The following TNNI3K variants were observed in gnomAD, a reference collection of about 807,000 sequenced individuals.
TNNI3K encodes the protein TNNI3 interacting kinase, also known as serine/threonine-protein kinase TNNI3K.
In TNNI3K, 140 loss-of-function variants were observed where a neutral mutation model predicts 114.5. The observed-to-expected ratio is 1.22, with a 90% confidence interval of 1.07 to 1.41. The LOEUF is 1.41. TNNI3K is among the 40% of genes most tolerant of loss of function. TNNI3K has a pLI of 0.00. For missense variants in TNNI3K, 1,125 were observed against 1,007.6 expected (o/e 1.12, Z -1.58); for synonymous variants, 347 against 347.5 (o/e 1.00, Z 0.02).
At chr1:74,459,867 C>T (rs1164910011) in intron 20 of TNNI3K, among the ~76,000 whole-genome samples, 1 of 152,166 alleles carries the variant, frequency 6.6e-6, no homozygotes, top group Admixed American at 6.5e-5. Flanking sequence ...CTGCAGCTGA[C>T]TCACAATACT....
At chr1:74,521,703 A>G (rs1448224740) in intron 23 of TNNI3K, among the ~76,000 whole-genome samples, 1 of 152,190 alleles carries the variant, frequency 6.6e-6, no homozygotes, top group Non-Finnish European at 1.5e-5. Context: ...GTTGGTGAAC[A>G]AGCCATTTCA....
intron 6 of TNNI3K, among the ~76,000 whole-genome samples, chr1:74,335,150 C>T (rs1660401418): frequency 6.6e-6 from 1 of 152,102 alleles, no homozygotes; most frequent in African/African-American, 2.4e-5. Flanking sequence ...AAACAAATTC[C>T]TAATCTAATC....
chr1:74,543,208 G>A (rs1407869983), intron 24 of TNNI3K, among the ~76,000 whole-genome samples: 5 of 151,062 alleles, frequency 3.3e-5, no homozygotes. Context: ...CTGAGTAGCT[G>A]AGACTACAGG....
intron 17 of TNNI3K, among the ~76,000 whole-genome samples, chr1:74,411,600 A>G (rs1485027480): frequency 1.3e-5 from 2 of 151,840 alleles, no homozygotes; most frequent in African/African-American, 4.8e-5. Context: ...GCATTTATTC[A>G]CTCACATTTT....
intron 6 of TNNI3K, among the ~76,000 whole-genome samples, chr1:74,332,902 T>G (rs982305165): frequency 1.5e-4 from 22 of 150,956 alleles, no homozygotes; most frequent in African/African-American, 5.4e-4. Context: ...AATTTCTATG[T>G]TTCTTTAAAA....
intron 5 of TNNI3K, among the ~76,000 whole-genome samples, chr1:74,296,616 T>A (rs1316103126): frequency 1.3e-5 from 2 of 152,114 alleles, no homozygotes; most frequent in African/African-American, 4.8e-5. Flanking sequence ...GCACATATAC[T>A]GGGGGTGTAT....
At chr1:74,504,763 C>T (rs546531599) in intron 23 of TNNI3K, among the ~76,000 whole-genome samples, 1 of 152,148 alleles carries the variant, frequency 6.6e-6, no homozygotes, top group Non-Finnish European at 1.5e-5. Flanking sequence ...CAGCTCTCAC[C>T]GTGGCTATTC....
At chr1:74,325,678 A>G (rs569739941) in intron 5 of TNNI3K, among the ~76,000 whole-genome samples, 201 of 152,206 alleles carry the variant, frequency 1.3e-3, no homozygotes, top group African/African-American at 4.7e-3. Flanking sequence ...TGGGCTGAGG[A>G]GTGAATAGGA....
intron 5 of TNNI3K, among the ~76,000 whole-genome samples, chr1:74,300,780 T>C (rs1301928136): frequency 6.6e-6 from 1 of 152,136 alleles, no homozygotes; most frequent in East Asian, 1.9e-4. Context: ...GCAAACAAAT[T>C]TAAATTTAAA....
intron 5 of TNNI3K, among the ~76,000 whole-genome samples, chr1:74,309,707 A>G (rs1349935111): frequency 2.0e-5 from 3 of 152,184 alleles, no homozygotes; most frequent in Non-Finnish European, 4.4e-5. Flanking sequence ...ACAACCAAGA[A>G]CAAATTATCA....
At chr1:74,286,011 A>G (rs1657310378) in intron 5 of TNNI3K, among the ~76,000 whole-genome samples, 1 of 152,200 alleles carries the variant, frequency 6.6e-6, no homozygotes, top group Admixed American at 6.5e-5. Context: ...ACACATAAAA[A>G]TACCTTCACA....
intron 17 of TNNI3K, among the ~76,000 whole-genome samples, chr1:74,400,857 T>A (rs926740662): frequency 6.6e-6 from 1 of 152,138 alleles, no homozygotes; most frequent in Non-Finnish European, 1.5e-5. Context: ...ACCATTCAAT[T>A]GGACTGGGAT....
intron 21 of TNNI3K, among the ~76,000 whole-genome samples, chr1:74,487,099 A>G (rs1275204378): frequency 6.6e-6 from 1 of 152,206 alleles, no homozygotes; most frequent in African/African-American, 2.4e-5. Flanking sequence ...CAGTAGCTTG[A>G]AGGAGGACGT....
At chr1:74,268,369 G>A (rs578204588) in intron 4 of TNNI3K, among the ~76,000 whole-genome samples, 7 of 151,948 alleles carry the variant, frequency 4.6e-5, no homozygotes, top group African/African-American at 1.7e-4. Flanking sequence ...TAACTCCTGT[G>A]AACTGTTTTC....
chr1:74,432,473 T>G (rs1395314132), intron 17 of TNNI3K, among the ~76,000 whole-genome samples: 1 of 152,086 alleles, frequency 6.6e-6, no homozygotes, highest in Admixed American at 6.6e-5. Context: ...GATGATTGTC[T>G]CCCTGGTGTT....
At chr1:74,474,405 T>A (rs1342559869) in intron 21 of TNNI3K, among the ~76,000 whole-genome samples, 1 of 152,108 alleles carries the variant, frequency 6.6e-6, no homozygotes, top group East Asian at 1.9e-4. Context: ...TAAACTCACA[T>A]CCTACCTTAT....
intron 2 of TNNI3K, chr1:74,240,591 T>C (rs1451033578): frequency 2.0e-5 from 3 of 152,198 alleles, no homozygotes; most frequent in African/African-American, 7.2e-5. Context: ...ATGGAAGTGA[T>C]GGCTCTCCAC....
chr1:74,424,476 T>A (rs564877497), intron 17 of TNNI3K, among the ~76,000 whole-genome samples: 1 of 152,160 alleles, frequency 6.6e-6, no homozygotes, highest in South Asian at 2.1e-4. Context: ...CCCAGCACTT[T>A]GGGAGGCCAA....
At chr1:74,292,036 T>C (rs1657709789) in intron 5 of TNNI3K, among the ~76,000 whole-genome samples, 2 of 151,514 alleles carry the variant, frequency 1.3e-5, no homozygotes, top group Non-Finnish European at 3.0e-5. Flanking sequence ...CTATATAAAG[T>C]TGTTCAGAAT....
Sources: allele counts gnomAD v4.1 joint callset (sites outside exome capture counted in the v4.1 genomes callset), GRCh38; gene constraint gnomAD v4.1.1; transcripts MANE v1.5; gene names NCBI Gene and HGNC (gene_info 2026-07-23, HGNC 2026-07-21).